The following SLC26A2 variants were observed in gnomAD, a reference collection of about 807,000 sequenced individuals.
SLC26A2 encodes the protein solute carrier family 26 member 2.
In SLC26A2, 36 loss-of-function variants were observed where a neutral mutation model predicts 41.1. The ratio of observed to expected loss-of-function variants is 0.88; its 90% CI spans 0.67 to 1.16. The LOEUF is 1.16. SLC26A2 is among the 50% of genes most tolerant of loss of function. The pLI is 0.00. For synonymous variants in SLC26A2, 291 were observed against 311.6 expected (o/e 0.93, Z 0.70); for missense variants, 796 against 869.6 (o/e 0.92, Z 1.07).
intron 1 of SLC26A2, among the ~76,000 whole-genome samples, chr5:149,970,171 TA>T (rs1472930654): frequency 2.6e-5 from 4 of 152,182 alleles, no homozygotes; most frequent in Non-Finnish European, 5.9e-5. Context: ...GGTGTTATTT[TA>T]TTTGGTTGGG....
At position 149,983,427 on chromosome 5, in the gene SLC26A2, T is replaced by TC; in HGVS notation, c.*1616dup. 1 of 152,314 alleles carries TC rather than the reference T, an allele frequency of 6.6e-6. No individual in the cohort carries two copies. The highest frequency in any genetic ancestry group is 2.1e-4 in the South Asian group (1 of 4,832). 9.4% of individuals were successfully genotyped at this position (152,314 alleles called of 1,614,324 possible). ...AGGTGATTATAATCAAGTGTAGGCT[T>TC]CCTGAATTTTGACATCCTTTTAGAA... is the stretch of plus-strand genomic sequence containing the variant. On this transcript the variant is annotated 3_prime_UTR_variant, in exon 3 of 3. Transcript: ENST00000286298.
In SLC26A2 at chr5:149,977,866, A is replaced by T. The variant is rs1479713112; in HGVS notation, c.214A>T (p.Lys72Ter). 2 of 1,614,118 alleles carry T rather than the reference A, an allele frequency of 1.2e-6. No individual in the cohort carries two copies. Among genetic ancestry groups the T allele is most frequent in the Middle Eastern group, 1.6e-4 (1 of 6,062 alleles). Residue 72 changes from lysine to a stop codon, truncating the protein, a stop_gained, in exon 2 of 3, where the codon AAA (lysine) becomes TAA (stop). Coordinates refer to ENST00000286298, the MANE Select transcript of SLC26A2 (RefSeq NM_000112.4). LOFTEE classifies it high-confidence loss of function. ...SDTNFKEFVI[K>*]KLQKNCQCSP... Reference sequence around the variant, plus strand: ...TACAAACTTCAAGGAGTTTGTTATTAAAAAGCTGCAGAAGAATTGCCAGTG... The same window carrying T: ...TACAAACTTCAAGGAGTTTGTTATTTAAAAGCTGCAGAAGAATTGCCAGTG...
intron 1 of SLC26A2, among the ~76,000 whole-genome samples, chr5:149,971,946 A>G (rs1012246360): frequency 3.9e-5 from 6 of 152,142 alleles, no homozygotes; most frequent in African/African-American, 9.7e-5. Context: ...AATCCCCCTC[A>G]GGTACCTTTG....
chr5:149,974,686 G>C (rs1271401783), intron 1 of SLC26A2, among the ~76,000 whole-genome samples: 3 of 147,818 alleles, frequency 2.0e-5, no homozygotes, highest in African/African-American at 7.5e-5. Flanking sequence ...GCCTCCGGAA[G>C]TGTTGGAATT....
In SLC26A2 at chr5:149,985,659, G is replaced by A. The variant is rs990973446; in HGVS notation, c.*3846G>A. On this transcript the variant is annotated 3_prime_UTR_variant, in exon 3 of 3. Coordinates refer to ENST00000286298, the MANE Select transcript of SLC26A2 (RefSeq NM_000112.4). ...TTAAACTGAGTCTTGAAGTTATAAT[G>A]ATCCATTCGAGTTCTGTGATCCTTA... 1.3e-5 allele frequency: 2 copies of A among 152,168 alleles called. No homozygotes were observed. Among genetic ancestry groups the A allele is most frequent in the Middle Eastern group, 3.2e-3 (1 of 316 alleles). 9.4% of individuals were successfully genotyped at this position (152,168 alleles called of 1,614,324 possible). A position where few individuals can be genotyped will look rare whatever the true frequency, so the allele number is the denominator to read the frequency against.
At chr5:149,966,061 C>T (rs746877414) in intron 1 of SLC26A2, among the ~76,000 whole-genome samples, 1 of 152,162 alleles carries the variant, frequency 6.6e-6, no homozygotes, top group Non-Finnish European at 1.5e-5. Flanking sequence ...TGTGCTACCA[C>T]GCCTGGCTAA....
intron 1 of SLC26A2, among the ~76,000 whole-genome samples, chr5:149,974,954 G>T (rs1205958989): frequency 2.0e-5 from 3 of 151,902 alleles, no homozygotes; most frequent in African/African-American, 7.3e-5. Flanking sequence ...TGAACTCCTG[G>T]CCTCAGGTTA....
chr5:149,971,545 G>A (rs902755162), intron 1 of SLC26A2, among the ~76,000 whole-genome samples: 3 of 151,994 alleles, frequency 2.0e-5, no homozygotes, highest in East Asian at 3.9e-4. Flanking sequence ...GATTACAGGC[G>A]TGCGCCACCA....
At position 149,981,465 on chromosome 5, in the gene SLC26A2, A is replaced by C; in HGVS notation, c.1872A>C (p.Lys624Asn). 1 of 1,614,196 alleles carries C rather than the reference A, an allele frequency of 6.2e-7. No individual in the cohort carries two copies. The highest frequency in any genetic ancestry group is 2.2e-5 in the East Asian group (1 of 44,878). ...CAGCAAAGAGAAAGATCAAAGAAAAAGTAGTGACTCTTGGTGGAATCCAGG... is the reference window on the plus strand; with the variant it reads ...CAGCAAAGAGAAAGATCAAAGAAAACGTAGTGACTCTTGGTGGAATCCAGG... ...KKAAKRKIKE[K>N]VVTLGGIQDE... Residue 624 changes from lysine (K) to asparagine (N), a missense_variant, in exon 3 of 3, where the codon AAA becomes AAC. Physicochemically the swap from Lys to Asn is moderately conservative, Grantham distance 94. Transcript: ENST00000286298.
At position 149,962,956 on chromosome 5, in the gene SLC26A2, GAC is replaced by G. The variant is rs201409545; in HGVS notation, c.-26+1979_-26+1980del. On this transcript the variant is annotated intron_variant, in intron 1 of 2. Coordinates refer to ENST00000286298, the MANE Select transcript of SLC26A2 (RefSeq NM_000112.4). ...AGCAAGTCAGTGCCCTCATGTGAAA[GAC>G]AATTAACAATGTGTGGTATGGAATG... 3.7e-4 allele frequency among the ~76,000 whole-genome samples: 56 copies of G among 152,246 alleles called. No individual in the cohort carries two copies. The East Asian group carries it at 0.01, about 28-fold the overall frequency.
At chr5:149,963,033 G>A (rs1360196972) in intron 1 of SLC26A2, among the ~76,000 whole-genome samples, 2 of 152,198 alleles carry the variant, frequency 1.3e-5, no homozygotes, top group African/African-American at 2.4e-5. Flanking sequence ...GCAAGGCAGG[G>A]CTGGGCCCAG....
chr5:149,966,077 G>T (rs1306729019), intron 1 of SLC26A2, among the ~76,000 whole-genome samples: 1 of 152,160 alleles, frequency 6.6e-6, no homozygotes, highest in South Asian at 2.1e-4. Context: ...GCTAATTTTT[G>T]GATTTTTAGT....
At chr5:149,970,378 G>A (rs915272765) in intron 1 of SLC26A2, among the ~76,000 whole-genome samples, 3 of 152,176 alleles carry the variant, frequency 2.0e-5, no homozygotes, top group Non-Finnish European at 2.9e-5. Context: ...AGGTATCGTG[G>A]TGTGTACCTG....
chr5:149,964,790 T>TA lies in SLC26A2; in HGVS notation c.-26+3821dup, dbSNP rs961568194. On this transcript the variant is annotated intron_variant, in intron 1 of 2. Transcript: ENST00000286298. ...AGACTCTGTCTCAAAAATAAAAAAT[T>TA]AAAAAAAAAATGTAGGTTCAATATT... 1.4e-4 allele frequency among the ~76,000 whole-genome samples: 21 copies of TA among 149,534 alleles called. 1 individual carries two copies. The South Asian group carries it at 3.0e-3, about 21-fold the overall frequency.
At chr5:149,974,510 C>A (rs2113693313) in intron 1 of SLC26A2, among the ~76,000 whole-genome samples, 1 of 151,220 alleles carries the variant, frequency 6.6e-6, no homozygotes, top group East Asian at 1.9e-4. Flanking sequence ...GCAGCCTCCG[C>A]CTCCCAGGTT....
chr5:149,974,001 G>T (rs6896747), intron 1 of SLC26A2, among the ~76,000 whole-genome samples: 34,864 of 152,000 alleles, frequency 0.23, 5,240 homozygotes, highest in African/African-American at 0.42. Context: ...ATTAAAAAAT[G>T]AGCCAGGCTT....
chr5:149,976,528 C>G (rs904420417), intron 1 of SLC26A2, among the ~76,000 whole-genome samples: 7 of 152,176 alleles, frequency 4.6e-5, no homozygotes, highest in African/African-American at 1.7e-4. Flanking sequence ...AAGTAAACAG[C>G]TTATGTAAAG....
chr5:149,963,983 T>G (rs528787813), intron 1 of SLC26A2, among the ~76,000 whole-genome samples: 1 of 152,168 alleles, frequency 6.6e-6, no homozygotes, highest in East Asian at 1.9e-4. Flanking sequence ...CTGCTTGATA[T>G]TTTCATGGAC....
chr5:149,980,954 A>C lies in SLC26A2; in HGVS notation c.1361A>C (p.Gln454Pro), dbSNP rs104893921. 1.2e-6 allele frequency: 2 copies of C among 1,614,020 alleles called. No homozygotes were observed. Among genetic ancestry groups the C allele is most frequent in the Admixed American group, 1.7e-5 (1 of 60,006 alleles). ...AAAGAATCAACAGGCTGCCATACTC[A>C]GCTTTCTGGTGTGGTAACAGCCCTG... is the stretch of plus-strand genomic sequence containing the variant. Reference protein sequence around the residue: ...LVKESTGCHTQLSGVVTALVL... With the variant: ...LVKESTGCHTPLSGVVTALVL... The change falls in exon 3 of 3, where the codon CAG becomes CCG. Residue 454 changes from glutamine (Q) to proline (P), a missense_variant. Transcript: ENST00000286298.
Sources: allele counts gnomAD v4.1 joint callset (sites outside exome capture counted in the v4.1 genomes callset), GRCh38; gene constraint gnomAD v4.1.1; transcripts MANE v1.5; gene names NCBI Gene and HGNC (gene_info 2026-07-23, HGNC 2026-07-21).